Variants in GRIP1 observed in about 807,000 individuals in gnomAD.
GRIP1 encodes glutamate receptor-interacting protein 1.
In GRIP1, 45 loss-of-function variants were observed where a neutral mutation model predicts 129.9. That is an observed-to-expected ratio of 0.35 (90% CI 0.27 to 0.44). The LOEUF is 0.44. Among genes scored for constraint, GRIP1 ranks in the 20% least tolerant of loss-of-function variants. The pLI is 1.00. For missense variants in GRIP1, 1,196 were observed against 1,396.8 expected (o/e 0.86, Z 2.29); for synonymous variants, 530 against 520.8 (o/e 1.02, Z -0.24).
chr12:66,800,130 CAACAAATGA>C (rs1193272866), intron 1 of GRIP1, among the ~76,000 whole-genome samples: 1 of 152,134 alleles, frequency 6.6e-6, no homozygotes, highest in African/African-American at 2.4e-5. Context: ...AACAACAAAA[CAACAAATGA>C]AATAATTTGT....
chr12:66,843,387 T>G (rs990624830), intron 1 of GRIP1, among the ~76,000 whole-genome samples: 8 of 152,138 alleles, frequency 5.3e-5, no homozygotes, highest in African/African-American at 1.9e-4. Context: ...TCCTTATTCA[T>G]GATTGTTTTG....
At chr12:66,445,146 T>C (rs1163724396) in intron 12 of GRIP1, among the ~76,000 whole-genome samples, 176 bp downstream of exon 12, 1 of 152,238 alleles carries the variant, frequency 6.6e-6, no homozygotes, top group Non-Finnish European at 1.5e-5. Context: ...AAGGCATCCA[T>C]GCTCATTACT....
At chr12:66,739,756 A>C (rs915853255) in intron 1 of GRIP1, among the ~76,000 whole-genome samples, 1 of 152,006 alleles carries the variant, frequency 6.6e-6, no homozygotes, top group African/African-American at 2.4e-5. Flanking sequence ...AATAAAAAAA[A>C]AAAAACCAGT....
At chr12:66,807,101 AAGAC>A (rs1359606936), upstream of GRIP1, among the ~76,000 whole-genome samples, 4 of 152,122 alleles carry the variant, frequency 2.6e-5, no homozygotes, top group African/African-American at 9.7e-5. Context: ...CACAATCTGA[AAGAC>A]AGAAGACTAG....
intron 1 of GRIP1, among the ~76,000 whole-genome samples, chr12:67,054,304 T>C (rs949661310): frequency 2.0e-5 from 3 of 152,208 alleles, no homozygotes; most frequent in African/African-American, 7.2e-5. Context: ...GCACCTACTA[T>C]GAGCCAAGCA....
At chr12:66,694,067 T>C (rs2035070178) in intron 1 of GRIP1, among the ~76,000 whole-genome samples, 1 of 152,148 alleles carries the variant, frequency 6.6e-6, no homozygotes. Context: ...AGAAACAGCA[T>C]CTCTTCCTCA....
Position 66,353,432 on chromosome 12 carries a change from A to G in GRIP1, c.3144T>C (p.Tyr1048=), listed in dbSNP as rs772435411. 10 of 1,612,254 alleles carry G rather than the reference A, an allele frequency of 6.2e-6. No individual in the cohort carries two copies. The highest frequency in any genetic ancestry group is 2.7e-5 in the African/African-American group (2 of 74,896). The change falls in exon 24 of 25, where the codon TAT becomes TAC. Residue 1048 remains tyrosine (Y), a synonymous_variant. Transcript: ENST00000359742. ...GAGGTCTTACCTGTAAGAGCCTGTC[A>G]TAGGGCTTTAAGCCACCAAGATCTC... ...GPGDLGGLKP[Y]DRLLQVNHVR...
At chr12:66,772,029 T>A (rs1233948183) in intron 1 of GRIP1, among the ~76,000 whole-genome samples, 2 of 152,184 alleles carry the variant, frequency 1.3e-5, no homozygotes, top group Admixed American at 1.3e-4. Flanking sequence ...ATGGAGAACT[T>A]GTATTCTAGA....
chr12:66,515,246 T>G (rs2138922065), intron 7 of GRIP1, among the ~76,000 whole-genome samples: 1 of 151,698 alleles, frequency 6.6e-6, no homozygotes, highest in Middle Eastern at 3.4e-3. Flanking sequence ...AATCACCTAC[T>G]GCTGTCAGTC....
intron 1 of GRIP1, among the ~76,000 whole-genome samples, chr12:66,646,346 G>A (rs912838208): frequency 2.0e-5 from 3 of 152,184 alleles, no homozygotes; most frequent in African/African-American, 7.2e-5. Flanking sequence ...GGGGAAGGGC[G>A]AGAGCGGTGG....
intron 1 of GRIP1, among the ~76,000 whole-genome samples, chr12:67,066,814 A>T (rs2065843477): frequency 6.6e-6 from 1 of 150,742 alleles, no homozygotes. Flanking sequence ...ATCCAAAAGG[A>T]TAAGCCAAGC....
chr12:66,460,495 C>T (rs970511245), intron 9 of GRIP1, among the ~76,000 whole-genome samples: 14 of 152,202 alleles, frequency 9.2e-5, no homozygotes, highest in African/African-American at 3.1e-4. Context: ...CTTTCCAAAA[C>T]GTCAGTTTCC....
intron 7 of GRIP1, among the ~76,000 whole-genome samples, chr12:66,497,959 AC>A (rs1418478249): frequency 6.6e-6 from 1 of 152,080 alleles, no homozygotes; most frequent in Admixed American, 6.5e-5. Context: ...TGATGACATT[AC>A]CTTGTGAAAG....
At chr12:66,981,286 C>T (rs773561468) in intron 1 of GRIP1, among the ~76,000 whole-genome samples, 16 of 118,210 alleles carry the variant, frequency 1.4e-4, no homozygotes, top group Non-Finnish European at 1.7e-4. Context: ...AAAGAACTAC[C>T]TTCTTATAAT....
intron 1 of GRIP1, among the ~76,000 whole-genome samples, chr12:66,602,286 T>A (rs2064310569): frequency 6.6e-6 from 1 of 152,180 alleles, no homozygotes; most frequent in South Asian, 2.1e-4. Flanking sequence ...CACTTTGAAA[T>A]TTAAGCAAGA....
intron 1 of GRIP1, among the ~76,000 whole-genome samples, chr12:66,965,049 G>T (rs1244797210): frequency 6.6e-6 from 1 of 152,034 alleles, no homozygotes; most frequent in African/African-American, 2.4e-5. Context: ...TTCAAATACA[G>T]TCACATTCTG....
At chr12:66,499,095 G>A (rs2060317717) in intron 7 of GRIP1, among the ~76,000 whole-genome samples, 2 of 152,308 alleles carry the variant, frequency 1.3e-5, no homozygotes, top group Admixed American at 6.5e-5. Flanking sequence ...AGTGTATGGT[G>A]ACCATGAAGC....
intron 7 of GRIP1, among the ~76,000 whole-genome samples, chr12:66,474,318 T>G (rs1200954054): frequency 1.3e-5 from 2 of 151,940 alleles, no homozygotes; most frequent in Non-Finnish European, 2.9e-5. Context: ...CCAAGAAATA[T>G]GGGACTATGT....
chr12:66,679,899 A>G (rs1007108716), upstream of GRIP1, among the ~76,000 whole-genome samples: 1 of 152,220 alleles, frequency 6.6e-6, no homozygotes, highest in Non-Finnish European at 1.5e-5. Flanking sequence ...GTGAAGAGCA[A>G]ATTAACAAAC....
Sources: gnomAD v4.1 joint callset for allele counts (sites outside exome capture counted in the v4.1 genomes callset) on GRCh38, gnomAD v4.1.1 for gene constraint, MANE v1.5 for transcripts, NCBI Gene and HGNC (gene_info 2026-07-23, HGNC 2026-07-21) for gene names.